Variants in CDH13 observed in about 807,000 individuals in gnomAD.
The protein encoded by CDH13 is cadherin 13.
Under a neutral mutation model 63.8 loss-of-function variants are expected in CDH13, and 24 were observed. That is an observed-to-expected ratio of 0.38 (90% CI 0.27 to 0.53). The LOEUF is 0.53. Among genes scored for constraint, CDH13 ranks in the 20% least tolerant of loss-of-function variants. The pLI, the probability that CDH13 is intolerant of heterozygous loss-of-function variation, is 0.85. For missense variants in CDH13, 1,049 were observed against 903.1 expected (o/e 1.16, Z -2.07); for synonymous variants, 503 against 355.3 (o/e 1.42, Z -4.67).
At chr16:83,367,836 A>G (rs755389964) in intron 6 of CDH13, among the ~76,000 whole-genome samples, 14 of 152,216 alleles carry the variant, frequency 9.2e-5, no homozygotes, top group Non-Finnish European at 1.9e-4. Flanking sequence ...TGGAATTTTG[A>G]AAGGCACTGT....
chr16:83,281,382 A>T (rs2089169825), intron 5 of CDH13, among the ~76,000 whole-genome samples: 1 of 152,222 alleles, frequency 6.6e-6, no homozygotes, highest in Non-Finnish European at 1.5e-5. Flanking sequence ...TTTGGTCTGG[A>T]TTAGGCTTTA....
intron 2 of CDH13, among the ~76,000 whole-genome samples, chr16:82,901,642 C>G (rs2041473862): frequency 6.6e-6 from 1 of 152,076 alleles, no homozygotes. Context: ...AATAAAAGAA[C>G]CAACAAATAT....
intron 6 of CDH13, among the ~76,000 whole-genome samples, chr16:83,423,521 T>G (rs998675477): frequency 2.6e-5 from 4 of 151,554 alleles, no homozygotes; most frequent in Non-Finnish European, 5.9e-5. Flanking sequence ...AAGAAAAACC[T>G]CAAATGGGTA....
At position 83,355,998 on chromosome 16, in the gene CDH13, C is replaced by T. The variant is rs13335440; in HGVS notation, c.781+10992C>T. The stretch of plus-strand genomic sequence containing the variant: ...GACACTCAGGGAGGTTAGGTGACTC[C>T]GCCGTGGTCACACAGCTGGTGGGTG... On this transcript the variant is annotated intron_variant, in intron 6 of 13. Coordinates refer to ENST00000567109, the MANE Select transcript of CDH13 (RefSeq NM_001257.5). Among the ~76,000 whole-genome samples, 11 of 152,072 alleles carry T rather than the reference C, an allele frequency of 7.2e-5. No homozygotes were observed. The East Asian group carries it at 1.4e-3, about 19-fold the overall frequency.
intron 1 of CDH13, among the ~76,000 whole-genome samples, chr16:82,694,565 C>G (rs1025078733): frequency 6.6e-6 from 1 of 152,184 alleles, no homozygotes; most frequent in African/African-American, 2.4e-5. Flanking sequence ...TTCCCTTCCT[C>G]CCAGGCCCAT....
intron 6 of CDH13, among the ~76,000 whole-genome samples, chr16:83,428,973 A>G (rs1374240130): frequency 6.6e-6 from 1 of 152,220 alleles, no homozygotes; most frequent in Non-Finnish European, 1.5e-5. Flanking sequence ...TTTCCCTGTC[A>G]AGGGGCACAA....
At chr16:82,886,448 C>T (rs1005555569) in intron 2 of CDH13, among the ~76,000 whole-genome samples, 4 of 152,092 alleles carry the variant, frequency 2.6e-5, no homozygotes, top group Non-Finnish European at 5.9e-5. Context: ...GATGTTATTG[C>T]TATTTTATTA....
chr16:83,601,298 G>A (rs1355387773), intron 7 of CDH13, among the ~76,000 whole-genome samples: 1 of 152,022 alleles, frequency 6.6e-6, no homozygotes, highest in Non-Finnish European at 1.5e-5. Flanking sequence ...TAAATATAGG[G>A]GCTGTTATTT....
At chr16:82,757,382 C>T (rs1330714123) in intron 1 of CDH13, among the ~76,000 whole-genome samples, 2 of 136,524 alleles carry the variant, frequency 1.5e-5, no homozygotes, top group Admixed American at 8.2e-5. Flanking sequence ...CTTGAGCTTA[C>T]AGGTTTTCAA....
chr16:82,755,054 A>G (rs2034562381), intron 1 of CDH13, among the ~76,000 whole-genome samples: 1 of 152,228 alleles, frequency 6.6e-6, no homozygotes, highest in Non-Finnish European at 1.5e-5. Context: ...ATGTGTGCGT[A>G]CACACATACA....
In CDH13 at chr16:82,898,251, G is replaced by A. The variant is rs190702188; in HGVS notation, c.157+39778G>A. The stretch of plus-strand genomic sequence containing the variant: ...CAATTAAAAATGAACATGGCCGGGC[G>A]TGGTGGCTCATTCCAGTAATCTCAG... On this transcript the variant is annotated intron_variant, in intron 2 of 13. Coordinates refer to ENST00000567109, the MANE Select transcript of CDH13 (RefSeq NM_001257.5). Among the ~76,000 whole-genome samples the A allele has an allele frequency of 1.7e-3, 258 of 152,248 alleles. No homozygotes were observed. In the Middle Eastern group the frequency reaches 0.017, roughly 10 times the overall value.
intron 11 of CDH13, among the ~76,000 whole-genome samples, chr16:83,767,759 A>G (rs1441119831): frequency 6.6e-6 from 1 of 152,190 alleles, no homozygotes; most frequent in Non-Finnish European, 1.5e-5. Flanking sequence ...AAAACTACCT[A>G]CTATATGACT....
At chr16:83,241,272 C>A (rs1279288350) in intron 5 of CDH13, among the ~76,000 whole-genome samples, 1 of 152,188 alleles carries the variant, frequency 6.6e-6, no homozygotes, top group Non-Finnish European at 1.5e-5. Flanking sequence ...CACCTCTTGA[C>A]TATTGTAAAT....
intron 5 of CDH13, among the ~76,000 whole-genome samples, chr16:83,235,534 G>A (rs576833732): frequency 4.2e-4 from 63 of 151,130 alleles, no homozygotes; most frequent in Non-Finnish European, 8.4e-4. Flanking sequence ...CCAGTAACAC[G>A]GTTCTAGAGG....
chr16:83,647,524 G>C (rs924834660), intron 8 of CDH13, among the ~76,000 whole-genome samples: 1 of 152,162 alleles, frequency 6.6e-6, no homozygotes, highest in African/African-American at 2.4e-5. Context: ...GTGTGTATGT[G>C]TGTGCATGCA....
chr16:83,764,431 T>G (rs1414775443), intron 11 of CDH13, among the ~76,000 whole-genome samples: 1 of 152,224 alleles, frequency 6.6e-6, no homozygotes. Context: ...CATTCATTTT[T>G]TATGCAAAAG....
At chr16:82,701,093 C>G (rs564229998) in intron 1 of CDH13, among the ~76,000 whole-genome samples, 1 of 151,922 alleles carries the variant, frequency 6.6e-6, no homozygotes, top group South Asian at 2.1e-4. Context: ...CTCATTGCAG[C>G]TAATGACATT....
At chr16:83,019,835 C>CAA (rs1567750683) in intron 2 of CDH13, among the ~76,000 whole-genome samples, 3 of 85,594 alleles carry the variant, frequency 3.5e-5, no homozygotes, top group Admixed American at 1.3e-4. Context: ...GGAGTACACT[C>CAA]TAAAAAAAAA....
intron 1 of CDH13, among the ~76,000 whole-genome samples, chr16:82,698,875 G>A (rs549694646): frequency 7.9e-5 from 12 of 152,128 alleles, no homozygotes; most frequent in Admixed American, 4.6e-4. Context: ...CCACGTACAG[G>A]CCCTGTTCTA....
Sources: gnomAD v4.1 joint callset for allele counts (sites outside exome capture counted in the v4.1 genomes callset) on GRCh38, gnomAD v4.1.1 for gene constraint, MANE v1.5 for transcripts, NCBI Gene and HGNC (gene_info 2026-07-23, HGNC 2026-07-21) for gene names.